NFIA: variants seen among roughly 807,000 people sequenced by gnomAD.
The protein encoded by NFIA is nuclear factor 1 A-type.
Under a neutral mutation model 62.8 loss-of-function variants are expected in NFIA, and 8 were observed. That is an observed-to-expected ratio of 0.13 (90% CI 0.07 to 0.23). The LOEUF is 0.23. Among genes scored for constraint, NFIA ranks in the 10% least tolerant of loss-of-function variants. The pLI is 1.00. For synonymous variants in NFIA, 235 were observed against 238.1 expected (o/e 0.99, Z 0.12); for missense variants, 410 against 642.1 (o/e 0.64, Z 3.91).
chr1:61,411,665 A>G lies in NFIA; in HGVS notation c.1420+4938A>G, dbSNP rs72915711. 9.6e-3 allele frequency among the ~76,000 whole-genome samples: 1,453 copies of G among 152,090 alleles called. 18 individuals carry two copies. The highest frequency in any genetic ancestry group is 0.033 in the African/African-American group (1,356 of 41,488). On this transcript the variant is annotated intron_variant, in intron 9 of 10. Transcript: ENST00000403491. ...GACAGTGAACAAAATAGTGAGTACG[A>G]AAGGTACGTAGGATATAAGATGGTG... is the stretch of plus-strand genomic sequence containing the variant.
intron 2 of NFIA, among the ~76,000 whole-genome samples, chr1:61,170,581 C>T (rs893620177): frequency 9.2e-5 from 14 of 152,308 alleles, no homozygotes; most frequent in African/African-American, 3.4e-4. Context: ...CAAACTTGAA[C>T]TCTTGCCTGG....
chr1:61,362,225 C>T (rs999403163), intron 6 of NFIA, among the ~76,000 whole-genome samples: 1 of 152,082 alleles, frequency 6.6e-6, no homozygotes, highest in Non-Finnish European at 1.5e-5. Context: ...CATAGCTTTT[C>T]CCCAGGGGTA....
At chr1:61,387,474 T>TC (rs1350319282) in intron 7 of NFIA, among the ~76,000 whole-genome samples, 2 of 111,484 alleles carry the variant, frequency 1.8e-5, no homozygotes, top group Non-Finnish European at 3.8e-5. Flanking sequence ...CTTTCTTTTT[T>TC]TTTTTTTTTT....
Position 61,458,876 on chromosome 1 carries a change from A to G in NFIA, c.*3556A>G, listed in dbSNP as rs573447675. 6.6e-6 allele frequency: 1 copy of G among 152,148 alleles called. No individual in the cohort carries two copies. Among genetic ancestry groups the G allele is most frequent in the Non-Finnish European group, 1.5e-5 (1 of 68,020 alleles). The allele number at this position is 152,148 out of a possible 1,614,324, so 9.4% of individuals were successfully genotyped here. ...TGAAGCTAAAATTAGGGAACTCTGA[A>G]CAGATTTGCAGGAAAAAATGTTTTA... On this transcript the variant is annotated 3_prime_UTR_variant, in exon 11 of 11. Coordinates refer to ENST00000403491, the MANE Select transcript of NFIA (RefSeq NM_001134673.4).
At chr1:61,315,477 G>A (rs369934782) in intron 3 of NFIA, among the ~76,000 whole-genome samples, 1 of 152,190 alleles carries the variant, frequency 6.6e-6, no homozygotes. Context: ...GATGTTAGAG[G>A]TAGGAATTTA....
intron 10 of NFIA, among the ~76,000 whole-genome samples, chr1:61,450,563 TG>T (rs1460169297): frequency 6.6e-6 from 1 of 152,196 alleles, no homozygotes; most frequent in Non-Finnish European, 1.5e-5. Flanking sequence ...GATGAGGAGC[TG>T]GGCCTGCAGG....
intron 9 of NFIA, among the ~76,000 whole-genome samples, chr1:61,421,670 A>C (rs929709730): frequency 2.6e-5 from 4 of 152,136 alleles, no homozygotes; most frequent in South Asian, 4.1e-4. Flanking sequence ...GCTGTCACTC[A>C]AGTAGGTCAG....
intron 9 of NFIA, among the ~76,000 whole-genome samples, chr1:61,416,826 C>T (rs1002393055): frequency 1.3e-5 from 2 of 152,072 alleles, no homozygotes; most frequent in African/African-American, 4.8e-5. Context: ...GACTCCAAAG[C>T]CCAGTGTTTT....
chr1:61,219,161 G>A (rs951487800), intron 2 of NFIA, among the ~76,000 whole-genome samples: 7 of 151,486 alleles, frequency 4.6e-5, no homozygotes, highest in Non-Finnish European at 8.8e-5. Flanking sequence ...GAACCCACAG[G>A]GCAGAGGTTG....
intron 3 of NFIA, among the ~76,000 whole-genome samples, chr1:61,290,067 AT>A (rs1480083162): frequency 3.1e-5 from 3 of 97,274 alleles, no homozygotes; most frequent in Admixed American, 1.0e-4. Context: ...TTACATTCTT[AT>A]TTTTTTATGA....
chr1:61,232,011 G>C (rs968280613), intron 2 of NFIA, among the ~76,000 whole-genome samples: 1 of 152,172 alleles, frequency 6.6e-6, no homozygotes, highest in Non-Finnish European at 1.5e-5. Flanking sequence ...TGACGGGTTT[G>C]AGGCTGGAAC....
At chr1:61,326,706 A>G (rs1557708041) in intron 3 of NFIA, among the ~76,000 whole-genome samples, 1 of 152,186 alleles carries the variant, frequency 6.6e-6, no homozygotes, top group Non-Finnish European at 1.5e-5. Context: ...CAGAAGGGAG[A>G]AAAAAAGTGT....
chr1:61,202,144 T>C (rs1248972279), intron 2 of NFIA, among the ~76,000 whole-genome samples: 1 of 152,196 alleles, frequency 6.6e-6, no homozygotes, highest in Non-Finnish European at 1.5e-5. Context: ...TTCACCTTTA[T>C]GGCTTGCTTC....
At position 61,461,712 on chromosome 1, in the gene NFIA, T is replaced by C. The variant is rs1236659545; in HGVS notation, c.*6392T>C. The C allele has an allele frequency of 6.6e-6, 1 of 152,206 alleles. No individual in the cohort carries two copies. The highest frequency in any genetic ancestry group is 1.9e-4 in the East Asian group (1 of 5,190). The allele number at this position is 152,206 out of a possible 1,614,324, so 9.4% of individuals were successfully genotyped here. ...TTACATGTAGATGCATTCGCCTATTTGATTCAGAAAAATAAACTTTCCCAA... is the reference window on the plus strand; with the variant it reads ...TTACATGTAGATGCATTCGCCTATTCGATTCAGAAAAATAAACTTTCCCAA... On this transcript the variant is annotated 3_prime_UTR_variant, in exon 11 of 11. Coordinates refer to ENST00000403491, the MANE Select transcript of NFIA (RefSeq NM_001134673.4).
chr1:61,249,561 GAGGCCGAGGCGGGT>G (rs1271344517), intron 2 of NFIA, among the ~76,000 whole-genome samples: 2 of 152,164 alleles, frequency 1.3e-5, no homozygotes, highest in African/African-American at 4.8e-5. Flanking sequence ...AGCACTTTCG[GAGGCCGAGGCGGGT>G]AGATCACTTG....
intron 7 of NFIA, among the ~76,000 whole-genome samples, chr1:61,400,609 A>G (rs999115692): frequency 2.0e-5 from 3 of 152,216 alleles, no homozygotes; most frequent in African/African-American, 7.2e-5. Context: ...ATGCATTTAC[A>G]TAATGTGCTA....
intron 2 of NFIA, among the ~76,000 whole-genome samples, chr1:61,149,401 A>G (rs936733085): frequency 6.6e-6 from 1 of 152,194 alleles, no homozygotes; most frequent in African/African-American, 2.4e-5. Context: ...GCCCCAGACT[A>G]TACTTAGTGC....
intron 3 of NFIA, among the ~76,000 whole-genome samples, chr1:61,302,825 A>G (rs893506869): frequency 2.0e-5 from 3 of 152,218 alleles, no homozygotes; most frequent in South Asian, 2.1e-4. Context: ...ATTAGATTGT[A>G]TGTTTATAAT....
intron 3 of NFIA, among the ~76,000 whole-genome samples, chr1:61,319,570 AAAT>A (rs1161882796): frequency 6.6e-6 from 1 of 152,096 alleles, no homozygotes; most frequent in Non-Finnish European, 1.5e-5. Flanking sequence ...CTTAAACAAA[AAAT>A]AATGATAACC....
Sources: allele counts gnomAD v4.1 joint callset (sites outside exome capture counted in the v4.1 genomes callset), GRCh38; gene constraint gnomAD v4.1.1; transcripts MANE v1.5; gene names NCBI Gene and HGNC (gene_info 2026-07-23, HGNC 2026-07-21).